Variants in PJA2 observed in about 807,000 individuals in gnomAD.
PJA2 encodes the protein E3 ubiquitin-protein ligase Praja-2.
PJA2 carries 25 observed loss-of-function variants against 69.3 expected under a neutral mutation model. The ratio of observed to expected loss-of-function variants is 0.36; its 90% CI spans 0.26 to 0.50. PJA2 has a LOEUF of 0.50. Ranked by LOEUF, PJA2 falls within the 20% of genes least tolerant of loss-of-function variation. The pLI is 0.96. For synonymous variants in PJA2, 308 were observed against 277.8 expected, an observed-to-expected ratio of 1.11 and a Z score of -1.08; for missense variants, 809 against 830.2, an observed-to-expected ratio of 0.97 and a Z score of 0.31.
intron 7 of PJA2, among the ~76,000 whole-genome samples, chr5:109,351,981 T>C (rs1762261864): frequency 6.6e-6 from 1 of 152,320 alleles, no homozygotes; most frequent in African/African-American, 2.4e-5. Flanking sequence ...GACAACTGTA[T>C]TGATTTTCTA....
intron 7 of PJA2, among the ~76,000 whole-genome samples, chr5:109,345,425 G>A (rs557524084): frequency 4.2e-4 from 62 of 149,154 alleles, no homozygotes; most frequent in African/African-American, 1.4e-3. Flanking sequence ...ACTGAGGCAG[G>A]AGAATCGCTT....
In PJA2 at chr5:109,356,030, A is replaced by T; in HGVS notation, c.1653-4T>A. Reference sequence around the variant, plus strand: ...ATCTGCAAAGCCATCAAATAGGCTGAAAAAAAAAAAAAATAACAGAAAAAA... The same window carrying T: ...ATCTGCAAAGCCATCAAATAGGCTGTAAAAAAAAAAAAATAACAGAAAAAA... On this transcript the variant is annotated splice_polypyrimidine_tract_variant and splice_region_variant and intron_variant, in intron 6 of 9. Transcript: ENST00000361189. The T allele has an allele frequency of 1.9e-6, 2 of 1,064,236 alleles. No homozygotes were observed. The highest frequency in any genetic ancestry group is 1.2e-6 in the Non-Finnish European group (1 of 819,390). 65.9% of individuals were successfully genotyped at this position (1,064,236 alleles called of 1,614,324 possible). A position where few individuals can be genotyped will look rare whatever the true frequency, so the allele number is the denominator to read the frequency against.
chr5:109,379,006 C>A lies in PJA2; in HGVS notation c.481G>T (p.Ala161Ser), dbSNP rs368299649. ...CSASSVQNGI[A>S]LVHTDSYDPD... ...TCATAAGAGTCTGTATGAACCAATGCAATTCCATTTTGGACACTTGAAGCA... is the reference window on the plus strand; with the variant it reads ...TCATAAGAGTCTGTATGAACCAATGAAATTCCATTTTGGACACTTGAAGCA... Residue 161 changes from alanine (A) to serine (S), a missense_variant, in exon 4 of 10, where the codon GCA (alanine) becomes TCA (serine). Around this residue, in one of 4 missense-constraint regions of PJA2, gnomAD observed 700 missense variants for 639.5 expected, o/e 1.09. Coordinates refer to ENST00000361189, the MANE Select transcript of PJA2 (RefSeq NM_014819.5). The A allele has an allele frequency of 6.2e-7, 1 of 1,614,154 alleles. No individual in the cohort carries two copies. Among genetic ancestry groups the A allele is most frequent in the East Asian group, 2.2e-5 (1 of 44,870 alleles).
chr5:109,351,164 T>C (rs1175333646), intron 7 of PJA2, among the ~76,000 whole-genome samples: 3 of 151,568 alleles, frequency 2.0e-5, no homozygotes, highest in Non-Finnish European at 4.4e-5. Flanking sequence ...CTAGACAAGT[T>C]GATGTGATTC....
chr5:109,383,652 G>A (rs1747098692), intron 1 of PJA2, 132 bp from the exon 2 acceptor site: 1 of 409,868 alleles, frequency 2.4e-6, no homozygotes, highest in East Asian at 3.7e-5. Flanking sequence ...CCAGCATGGT[G>A]GCAAATGCCT....
At chr5:109,354,415 T>TGG (rs1762365724) in intron 7 of PJA2, among the ~76,000 whole-genome samples, 1 of 144,076 alleles carries the variant, frequency 6.9e-6, no homozygotes, top group Non-Finnish European at 1.5e-5. Context: ...ATCTATAGAT[T>TGG]AGATATCTAT....
intron 9 of PJA2, among the ~76,000 whole-genome samples, chr5:109,340,426 G>GA (rs1762021349): frequency 1.3e-5 from 2 of 151,288 alleles, no homozygotes; most frequent in South Asian, 4.2e-4. Flanking sequence ...AAGGGAAGGA[G>GA]AAAAAAAGCA....
Position 109,335,746 on chromosome 5 carries a change from GA to G in PJA2, c.*1484del, listed in dbSNP as rs1175674638. ...CAACAGTGACTATATACATCAGAGG[GA>G]AAACATGCTAGCTAATGCAACATTA... On this transcript the variant is annotated 3_prime_UTR_variant, in exon 10 of 10. Coordinates refer to ENST00000361189, the MANE Select transcript of PJA2 (RefSeq NM_014819.5). 6.6e-6 allele frequency: 1 copy of G among 152,554 alleles called. No individual in the cohort carries two copies. Among genetic ancestry groups the G allele is most frequent in the Non-Finnish European group, 1.5e-5 (1 of 68,014 alleles). 9.5% of individuals were successfully genotyped at this position (152,554 alleles called of 1,614,324 possible). A position where few individuals can be genotyped will look rare whatever the true frequency, so the allele number is the denominator to read the frequency against.
chr5:109,385,523 T>C (rs1264613132), intron 1 of PJA2, among the ~76,000 whole-genome samples: 1 of 152,178 alleles, frequency 6.6e-6, no homozygotes, highest in Non-Finnish European at 1.5e-5. Flanking sequence ...CAGTTTTGGA[T>C]GAGTTAAGTT....
At chr5:109,405,087 G>C (rs1341233067) in intron 1 of PJA2, among the ~76,000 whole-genome samples, 1 of 152,180 alleles carries the variant, frequency 6.6e-6, no homozygotes, top group South Asian at 2.1e-4. Context: ...AATGAATTTA[G>C]CAAGGTTGCA....
In PJA2 at chr5:109,376,725, T is replaced by A. The variant is rs374124221; in HGVS notation, c.1283+1479A>T. On this transcript the variant is annotated intron_variant, in intron 4 of 9. Coordinates refer to ENST00000361189, the MANE Select transcript of PJA2 (RefSeq NM_014819.5). ...TTTTTTAAAAATAGTAACCTAGAGG[T>A]ATAATATTAGAGACTTGCAATCTAT... Among the ~76,000 whole-genome samples the A allele has an allele frequency of 6.6e-5, 10 of 152,078 alleles. No homozygotes were observed. In the East Asian group the frequency reaches 1.5e-3, roughly 23 times the overall value.
chr5:109,360,520 G>A (rs1334799425), intron 6 of PJA2, among the ~76,000 whole-genome samples: 1 of 152,092 alleles, frequency 6.6e-6, no homozygotes, highest in Non-Finnish European at 1.5e-5. Flanking sequence ...CTTTGCCATA[G>A]CTTTCCCCAT....
At chr5:109,359,541 C>T (rs568910479) in intron 6 of PJA2, among the ~76,000 whole-genome samples, 1 of 152,320 alleles carries the variant, frequency 6.6e-6, no homozygotes, top group African/African-American at 2.4e-5. Context: ...ACACCACTTC[C>T]AGGGTGTTTC....
intron 6 of PJA2, among the ~76,000 whole-genome samples, chr5:109,359,962 GA>G (rs1010582996): frequency 1.3e-5 from 2 of 151,930 alleles, no homozygotes; most frequent in African/African-American, 2.4e-5. Context: ...AAGTGGGTCA[GA>G]AAAAAACCTT....
chr5:109,337,465 AC>A, intron 9 of PJA2, 109 bp from the exon 10 acceptor site: 1 of 1,246,870 alleles, frequency 8.0e-7, no homozygotes, highest in Non-Finnish European at 1.1e-6. Context: ...ACTCTTAACA[AC>A]AAAAAACAAA....
At chr5:109,339,384 A>T (rs997881113) in intron 9 of PJA2, among the ~76,000 whole-genome samples, 2 of 152,214 alleles carry the variant, frequency 1.3e-5, no homozygotes, top group African/African-American at 2.4e-5. Context: ...CCCTGACTTG[A>T]CCACTACATA....
At chr5:109,342,436 C>T (rs1352744939) in intron 9 of PJA2, among the ~76,000 whole-genome samples, 1 of 135,188 alleles carries the variant, frequency 7.4e-6, no homozygotes, top group Non-Finnish European at 1.6e-5. Context: ...GGGATGTCGG[C>T]CCCCCGCCCG....
rs571067618 is a variant in PJA2, at chr5:109,362,866, C to T, written c.1626G>A (p.Val542=). The T allele has an allele frequency of 1.2e-6, 2 of 1,610,922 alleles. No homozygotes were observed. The highest frequency in any genetic ancestry group is 4.5e-5 in the East Asian group (2 of 44,780). The change falls in exon 6 of 10, where the codon GTG becomes GTA. Residue 542 remains valine (V), a synonymous_variant. Coordinates refer to ENST00000361189, the MANE Select transcript of PJA2 (RefSeq NM_014819.5). ...GNNNLEDDSS[V]SEDLDVDWSL... is the part of the protein sequence containing the mutation. Reference sequence around the variant, plus strand: ...TCCAATCCACATCTAAGTCTTCACTCACACTGGAGTCATCCTCCAGGTTAT... The same window carrying T: ...TCCAATCCACATCTAAGTCTTCACTTACACTGGAGTCATCCTCCAGGTTAT...
intron 7 of PJA2, among the ~76,000 whole-genome samples, chr5:109,352,697 T>C (rs1000322100): frequency 6.6e-6 from 1 of 152,004 alleles, no homozygotes; most frequent in African/African-American, 2.4e-5. Flanking sequence ...AAAAAAGTGA[T>C]GACAAAGCAG....
Sources: allele counts gnomAD v4.1 joint callset (sites outside exome capture counted in the v4.1 genomes callset), GRCh38; gene constraint gnomAD v4.1.1; regional missense constraint gnomAD v4.1.1; transcripts MANE v1.5; gene names NCBI Gene and HGNC (gene_info 2026-07-23, HGNC 2026-07-21).